The following SERPING1 variants were observed in gnomAD, a reference collection of about 807,000 sequenced individuals.
SERPING1 encodes serpin family G member 1, also known as plasma protease C1 inhibitor.
A neutral mutation model predicts 34.1 loss-of-function variants in SERPING1; 5 were observed. That is an observed-to-expected ratio of 0.15 (90% CI 0.08 to 0.31). SERPING1 has a LOEUF of 0.31. Ranked by LOEUF, SERPING1 falls within the 10% of genes least tolerant of loss-of-function variation. SERPING1 has a pLI of 1.00. For synonymous variants in SERPING1, 225 were observed against 242.4 expected (o/e 0.93, Z 0.67); for missense variants, 505 against 609.5 (o/e 0.83, Z 1.81).
chr11:57,603,171 T>C (rs1176505952), intron 4 of SERPING1, among the ~76,000 whole-genome samples: 2 of 147,834 alleles, frequency 1.4e-5, no homozygotes, highest in Admixed American at 1.4e-4. Flanking sequence ...AGAGTGAAGG[T>C]TGCAGTGAGC....
At chr11:57,604,248 A>G (rs1192630532) in intron 4 of SERPING1, among the ~76,000 whole-genome samples, 1 of 152,204 alleles carries the variant, frequency 6.6e-6, no homozygotes, top group Admixed American at 6.5e-5. Context: ...TTTTGGGTCA[A>G]AGGAGTCTTG....
chr11:57,605,914 GA>G, intron 4 of SERPING1, 95 bp from the exon 5 acceptor site: 2 of 1,153,582 alleles, frequency 1.7e-6, no homozygotes, highest in Non-Finnish European at 2.6e-6. Context: ...TAAGTGAGCA[GA>G]TAGAACCATA....
At chr11:57,603,984 T>A (rs1167681476) in intron 4 of SERPING1, among the ~76,000 whole-genome samples, 1 of 151,964 alleles carries the variant, frequency 6.6e-6, no homozygotes, top group Non-Finnish European at 1.5e-5. Context: ...ACCCTGTCTC[T>A]GTTAAAAATA....
At chr11:57,601,852 T>C (rs775537603) in intron 3 of SERPING1, among the ~76,000 whole-genome samples, 183 bp from the exon 4 acceptor site, 11 of 81,330 alleles carry the variant, frequency 1.4e-4, no homozygotes, top group Non-Finnish European at 1.8e-4. Flanking sequence ...CAAGACTCTG[T>C]CTCAAAAAAA....
At chr11:57,598,348 A>G in intron 2 of SERPING1, 27 bp downstream of exon 2, 1 of 1,546,016 alleles carries the variant, frequency 6.5e-7, no homozygotes, top group Middle Eastern at 1.9e-4. Flanking sequence ...GGGATGGGGG[A>G]CGGGGGTGGA....
intron 2 of SERPING1, among the ~76,000 whole-genome samples, chr11:57,599,406 G>GTGTAC (rs1277997342): frequency 1.2e-4 from 18 of 151,668 alleles, no homozygotes; most frequent in African/African-American, 4.1e-4. Context: ...CCTTCCTAAT[G>GTGTAC]TGTACTGTTT....
At chr11:57,602,285 G>A (rs533745645) in intron 4 of SERPING1, 116 bp downstream of exon 4, 28 of 1,262,646 alleles carry the variant, frequency 2.2e-5, no homozygotes, top group African/African-American at 4.4e-5. Flanking sequence ...CAGTATCAGG[G>A]ATGGACTGCA....
In SERPING1 at chr11:57,597,766, A is replaced by G. The variant is rs890588725; in HGVS notation, c.-23+44A>G. 4.0e-5 allele frequency: 6 copies of G among 151,194 alleles called. No homozygotes were observed. In the Admixed American group the frequency reaches 4.0e-4, roughly 10 times the overall value. 9.4% of individuals were successfully genotyped at this position (151,194 alleles called of 1,614,324 possible). ...AGGGGTGGGGAGTAGGGTGGAAAGCATGGAGTGAAGAGGTCTAGGGAGGGG... is the reference window on the plus strand; with the variant it reads ...AGGGGTGGGGAGTAGGGTGGAAAGCGTGGAGTGAAGAGGTCTAGGGAGGGG... On this transcript the variant is annotated intron_variant, in intron 1 of 7. Coordinates refer to ENST00000278407, the MANE Select transcript of SERPING1 (RefSeq NM_000062.3).
chr11:57,609,849 T>A (rs917852578), intron 6 of SERPING1, among the ~76,000 whole-genome samples: 2 of 152,168 alleles, frequency 1.3e-5, no homozygotes, highest in Non-Finnish European at 2.9e-5. Flanking sequence ...TACTGTAACC[T>A]CAAGCTCCTT....
At position 57,614,442 on chromosome 11, in the gene SERPING1, AGGC is replaced by A; in HGVS notation, c.1368_1370del (p.Ala459del). On this transcript the variant is annotated inframe_deletion, in exon 8 of 8. Coordinates refer to ENST00000278407, the MANE Select transcript of SERPING1 (RefSeq NM_000062.3). Reference sequence around the variant, plus strand: ...CTGGAACTGACAGAGACTGGGGTGGAGGCGGCTGCAGCCTCCGCCATCTCTGTG... The same window carrying A: ...CTGGAACTGACAGAGACTGGGGTGGAGGCTGCAGCCTCCGCCATCTCTGTG... 1 of 1,614,064 alleles carries A rather than the reference AGGC, an allele frequency of 6.2e-7. No individual in the cohort carries two copies. The highest frequency in any genetic ancestry group is 8.5e-7 in the Non-Finnish European group (1 of 1,180,028).
At position 57,602,522 on chromosome 11, in the gene SERPING1, C is replaced by T. The variant is rs562245899; in HGVS notation, c.685+353C>T. ...CTGTAATCCCAGCACTTTGGGAGGCCGAGGCAGGTGGATCACGAGGTCAGG... is the reference window on the plus strand; with the variant it reads ...CTGTAATCCCAGCACTTTGGGAGGCTGAGGCAGGTGGATCACGAGGTCAGG... On this transcript the variant is annotated intron_variant, in intron 4 of 7. Transcript: ENST00000278407. Among the ~76,000 whole-genome samples the T allele has an allele frequency of 4.4e-4, 65 of 148,662 alleles. 1 individual carries two copies. In the East Asian group the frequency reaches 5.3e-3, roughly 12 times the overall value.
At chr11:57,598,761 G>A (rs143260276) in intron 2 of SERPING1, among the ~76,000 whole-genome samples, 1 of 152,282 alleles carries the variant, frequency 6.6e-6, no homozygotes, top group African/African-American at 2.4e-5. Context: ...ACAGACGGTG[G>A]TCCCAGGCTA....
At chr11:57,601,652 C>CAGG (rs1352762409) in intron 3 of SERPING1, among the ~76,000 whole-genome samples, 4 of 151,982 alleles carry the variant, frequency 2.6e-5, no homozygotes, top group Non-Finnish European at 5.9e-5. Context: ...GAGGCCAAGG[C>CAGG]AGGAGTTCAA....
rs1945480724 is a variant in SERPING1, at chr11:57,611,893, A to G, written c.1206A>G (p.Lys402=). Residue 402 remains lysine (K), a synonymous_variant, in exon 7 of 8, where the codon AAA becomes AAG. Coordinates refer to ENST00000278407, the MANE Select transcript of SERPING1 (RefSeq NM_000062.3). ...QPTLLTLPRI[K]VTTSQDMLSI... ...CTCTCCTAACACTACCCCGCATCAA[A>G]GTGACGACCAGCCAGGATATGCTCT... 1.2e-6 allele frequency: 2 copies of G among 1,614,064 alleles called. No homozygotes were observed. The highest frequency in any genetic ancestry group is 1.1e-5 in the South Asian group (1 of 91,080).
chr11:57,606,343 C>A (rs1272129325), intron 5 of SERPING1, 65 bp from the exon 6 acceptor site: 2 of 1,604,806 alleles, frequency 1.2e-6, no homozygotes, highest in Non-Finnish European at 1.7e-6. Context: ...GCTAACAAGG[C>A]TTTTAGCTCC....
rs781444611 is a variant in SERPING1 at position 57,599,927 on chromosome 11, C to G, written c.100C>G (p.Pro34Ala). The G allele has an allele frequency of 6.2e-7, 1 of 1,614,170 alleles. No individual in the cohort carries two copies. The highest frequency in any genetic ancestry group is 1.7e-5 in the Admixed American group (1 of 60,016). ...TGCTACCAGCTCCAGCTCCCAGGAT[C>G]CAGAGAGTTTGCAAGACAGAGGCGA... ...PNATSSSSQD[P>A]ESLQDRGEGK... The change falls in exon 3 of 8, where the codon CCA (proline) becomes GCA (alanine). Residue 34 changes from proline to alanine, a missense_variant. Coordinates refer to ENST00000278407, the MANE Select transcript of SERPING1 (RefSeq NM_000062.3).
chr11:57,600,037 A>T lies in SERPING1; in HGVS notation c.210A>T (p.Ser70=), dbSNP rs1484668063. Reference sequence around the variant, plus strand: ...TTTCCAGCTTGCCGACAACCAACTCAACAACCAATTCAGCCACCAAAATAA... The same window carrying T: ...TTTCCAGCTTGCCGACAACCAACTCTACAACCAATTCAGCCACCAAAATAA... ...LEVSSLPTTN[S]TTNSATKITA... is the part of the protein sequence containing the mutation. Residue 70 remains serine, a synonymous_variant, in exon 3 of 8, where the codon TCA becomes TCT. Transcript: ENST00000278407. The T allele has an allele frequency of 2.5e-6, 4 of 1,614,140 alleles. No homozygotes were observed. The South Asian group carries it at 4.4e-5, about 18-fold the overall frequency.
intron 6 of SERPING1, 90 bp downstream of exon 6, chr11:57,606,637 T>C (rs1397196694): frequency 7.6e-7 from 1 of 1,321,788 alleles, no homozygotes; most frequent in Non-Finnish European, 1.1e-6. Context: ...TTGGGGTACA[T>C]GCTTACAAAT....
rs748371332 is a variant in SERPING1 at position 57,611,949 on chromosome 11, A to G, written c.1249+13A>G. On this transcript the variant is annotated intron_variant, in intron 7 of 7. Transcript: ENST00000278407. ...ATGGAGAAATTGGGTGAGCTCTGGC[A>G]GCTTAGGGTTACTCCCAGGCCATCA... 1.9e-6 allele frequency: 3 copies of G among 1,606,296 alleles called. No individual in the cohort carries two copies. The Admixed American group carries it at 5.0e-5, about 27-fold the overall frequency.
Sources: allele counts gnomAD v4.1 joint callset (sites outside exome capture counted in the v4.1 genomes callset), GRCh38; gene constraint gnomAD v4.1.1; transcripts MANE v1.5; gene names NCBI Gene and HGNC (gene_info 2026-07-23, HGNC 2026-07-21).